Variants in BIRC6 observed in about 807,000 individuals in gnomAD.
BIRC6 encodes the protein baculoviral IAP repeat containing 6, also known as dual E2 ubiquitin-conjugating enzyme/E3 ubiquitin-protein ligase BIRC6.
A neutral mutation model predicts 503.3 loss-of-function variants in BIRC6; 98 were observed. The ratio of observed to expected loss-of-function variants is 0.19; its 90% CI spans 0.17 to 0.23. The LOEUF is 0.23. BIRC6 is among the 10% of genes least tolerant of loss of function. The probability of loss-of-function intolerance (pLI) is 1.00; values close to 1 mark genes in which losing one functional copy is unlikely to be tolerated. For missense variants in BIRC6, 5,360 were observed against 5,806.0 expected, an observed-to-expected ratio of 0.92 and a Z score of 2.50; for synonymous variants, 2,240 against 2,078.7, an observed-to-expected ratio of 1.08 and a Z score of -2.11.
At chr2:32,508,911 C>T (rs1352197963) in intron 51 of BIRC6, among the ~76,000 whole-genome samples, 1 of 151,884 alleles carries the variant, frequency 6.6e-6, no homozygotes, top group East Asian at 1.9e-4. Flanking sequence ...GGCGAAACCC[C>T]ATCACTACTA....
chr2:32,468,126 C>A lies in BIRC6; in HGVS notation c.5780+15C>A, dbSNP rs1219872043. ...ATACAGTGCAGGTTAGTACAGAGTG[C>A]AAATTTTAATGTTATTGAAACTTTG... is the stretch of plus-strand genomic sequence containing the variant. On this transcript the variant is annotated intron_variant, in intron 28 of 73. Coordinates refer to ENST00000421745, the MANE Select transcript of BIRC6 (RefSeq NM_016252.4). 2.5e-6 allele frequency: 4 copies of A among 1,607,658 alleles called. No homozygotes were observed. Among genetic ancestry groups the A allele is most frequent in the Non-Finnish European group, 3.4e-6 (4 of 1,175,418 alleles).
chr2:32,429,348 C>T, intron 11 of BIRC6, 53 bp downstream of exon 11: 1 of 1,298,860 alleles, frequency 7.7e-7, no homozygotes, highest in South Asian at 1.6e-5. Flanking sequence ...TAGTATTTAT[C>T]ATTTTTCTAG....
Position 32,404,328 on chromosome 2 carries a change from C to CT in BIRC6, c.1419-2162dup, listed in dbSNP as rs951589522. ...TTATTTTATTCATATAATTTTTTTT[C>CT]TTTTTTTTTGAGAGAGTCTTGCTCT... On this transcript the variant is annotated intron_variant, in intron 8 of 73. Transcript: ENST00000421745. 4.1e-4 allele frequency among the ~76,000 whole-genome samples: 62 copies of CT among 150,114 alleles called. No individual in the cohort carries two copies. The East Asian group carries it at 7.8e-3, about 19-fold the overall frequency.
Position 32,617,932 on chromosome 2 carries a change from C to G in BIRC6, c.*28C>G. 2 of 1,584,788 alleles carry G rather than the reference C, an allele frequency of 1.3e-6. No homozygotes were observed. The highest frequency in any genetic ancestry group is 4.5e-5 in the East Asian group (2 of 44,326). On this transcript the variant is annotated 3_prime_UTR_variant, in exon 74 of 74. Coordinates refer to ENST00000421745, the MANE Select transcript of BIRC6 (RefSeq NM_016252.4). The stretch of plus-strand genomic sequence containing the variant: ...TGCATTGATGTGGACTTCATAGACA[C>G]AAAGGCTTCGAAGCACAAGCCAAAT...
rs1491183867 is a variant in BIRC6 at position 32,561,740 on chromosome 2, T to TA, written c.13144+12259_13144+12260insA. 5.5e-5 allele frequency among the ~76,000 whole-genome samples: 7 copies of TA among 126,928 alleles called. No individual in the cohort carries two copies. The South Asian group carries it at 7.6e-4, about 14-fold the overall frequency. 83.3% of individuals were successfully genotyped at this position (126,928 alleles called of 152,430 possible). ...TTAATCATGTATATATATATATATA[T>TA]TTATTTATTTATTTCTAGATTTTGC... On this transcript the variant is annotated intron_variant, in intron 65 of 73. Transcript: ENST00000421745.
intron 45 of BIRC6, among the ~76,000 whole-genome samples, chr2:32,494,753 A>G (rs1247336701): frequency 2.0e-5 from 3 of 151,864 alleles, no homozygotes. Flanking sequence ...AAAGAAAAAG[A>G]AAAAGAAATT....
intron 72 of BIRC6, among the ~76,000 whole-genome samples, chr2:32,610,581 A>C (rs1287545851): frequency 2.0e-5 from 3 of 152,102 alleles, no homozygotes; most frequent in Non-Finnish European, 2.9e-5. Flanking sequence ...TAAAGGCAGA[A>C]ATTTCTCTGT....
intron 49 of BIRC6, among the ~76,000 whole-genome samples, chr2:32,504,029 G>GT: frequency 1.3e-5 from 1 of 77,498 alleles, no homozygotes; most frequent in Non-Finnish European, 2.5e-5. Context: ...GGGGTGGGGG[G>GT]GTGTTTGTGT....
intron 61 of BIRC6, among the ~76,000 whole-genome samples, chr2:32,536,629 TA>T (rs2057259182): frequency 6.6e-6 from 1 of 152,272 alleles, no homozygotes; most frequent in African/African-American, 2.4e-5. Flanking sequence ...TATGTGGCAT[TA>T]TTTCTGAGGG....
intron 1 of BIRC6, among the ~76,000 whole-genome samples, chr2:32,375,061 C>A (rs1319717322): frequency 4.6e-5 from 7 of 151,974 alleles, no homozygotes; most frequent in Non-Finnish European, 7.4e-5. Context: ...TACATATACA[C>A]CTTTTGTGTA....
chr2:32,490,208 T>C lies in BIRC6; in HGVS notation c.8206+57T>C, dbSNP rs200677683. ...TGACATATACTTTAGTGTTCTACTATTGGATTCTTAAAACAGAGTTTTCCA... is the reference window on the plus strand; with the variant it reads ...TGACATATACTTTAGTGTTCTACTACTGGATTCTTAAAACAGAGTTTTCCA... On this transcript the variant is annotated intron_variant, in intron 43 of 73. Transcript: ENST00000421745. 28 of 1,397,030 alleles carry C rather than the reference T, an allele frequency of 2.0e-5. No individual in the cohort carries two copies. The African/African-American group carries it at 3.1e-4, about 16-fold the overall frequency. The allele number at this position is 1,397,030 out of a possible 1,614,324, so 86.5% of individuals were successfully genotyped here.
chr2:32,363,428 G>C (rs758211138), intron 1 of BIRC6, among the ~76,000 whole-genome samples: 1 of 151,882 alleles, frequency 6.6e-6, no homozygotes, highest in African/African-American at 2.4e-5. Flanking sequence ...ACTTCCTAAG[G>C]TTTTTTTGTG....
rs771801553 is a variant in BIRC6 at position 32,509,978 on chromosome 2, A to T, written c.10221A>T (p.Ser3407=). ...TTCTCCTGAGAAATTGTGCAGCATC[A>T]GGCAGTGATCCTACAGGTGATAATT... ...IDILLRNCAA[S]GSDPTDLNSP... The change falls in exon 52 of 74, where the codon TCA becomes TCT. Residue 3407 remains serine, a synonymous_variant. Coordinates refer to ENST00000421745, the MANE Select transcript of BIRC6 (RefSeq NM_016252.4). The T allele has an allele frequency of 5.0e-6, 8 of 1,613,832 alleles. No homozygotes were observed. Among genetic ancestry groups the T allele is most frequent in the Non-Finnish European group, 6.8e-6 (8 of 1,179,872 alleles).
In BIRC6 at chr2:32,573,114, T is replaced by C. The variant is rs531206929; in HGVS notation, c.13145-2042T>C. On this transcript the variant is annotated intron_variant, in intron 65 of 73. Coordinates refer to ENST00000421745, the MANE Select transcript of BIRC6 (RefSeq NM_016252.4). ...TGTAACTCATGTCCTTCGCCTAGAA[T>C]GTTAGATACTTGATGGTAGAGATTT... 3.9e-5 allele frequency among the ~76,000 whole-genome samples: 6 copies of C among 152,340 alleles called. No homozygotes were observed. The East Asian group carries it at 1.2e-3, about 29-fold the overall frequency.
intron 3 of BIRC6, among the ~76,000 whole-genome samples, chr2:32,381,718 G>C (rs1161560221): frequency 6.6e-6 from 1 of 151,892 alleles, no homozygotes; most frequent in African/African-American, 2.4e-5. Context: ...GCTAATTTTT[G>C]TATTTTTAGT....
Position 32,441,479 on chromosome 2 carries a change from A to T in BIRC6, c.3944+17A>T, listed in dbSNP as rs745933401. On this transcript the variant is annotated intron_variant, in intron 17 of 73. Coordinates refer to ENST00000421745, the MANE Select transcript of BIRC6 (RefSeq NM_016252.4). ...TAAGGAAAGGTAATTTCATTGCATT[A>T]TCTTGTTATTCTTACAGTAATGAAA... 4 of 1,596,558 alleles carry T rather than the reference A, an allele frequency of 2.5e-6. No individual in the cohort carries two copies. Among genetic ancestry groups the T allele is most frequent in the Non-Finnish European group, 3.4e-6 (4 of 1,167,338 alleles).
intron 23 of BIRC6, among the ~76,000 whole-genome samples, chr2:32,458,683 CTTTTTTTTTTTTT>C (rs1166608470): frequency 2.2e-5 from 2 of 89,460 alleles, no homozygotes; most frequent in South Asian, 3.3e-4. Flanking sequence ...ACTCTATTGC[CTTTTTTTTTTTTT>C]TTTTTTTTTT....
intron 31 of BIRC6, among the ~76,000 whole-genome samples, 173 bp downstream of exon 31, chr2:32,470,474 T>C (rs1387747056): frequency 6.6e-6 from 1 of 151,866 alleles, no homozygotes; most frequent in Admixed American, 6.5e-5. Flanking sequence ...ATATAGTTAA[T>C]ACTTTTAAAA....
At chr2:32,421,231 C>T (rs1009929046) in intron 10 of BIRC6, among the ~76,000 whole-genome samples, 3 of 151,490 alleles carry the variant, frequency 2.0e-5, no homozygotes, top group Admixed American at 6.6e-5. Flanking sequence ...CTCAGCCTCC[C>T]GAGTAGCTGG....
Sources: gnomAD v4.1 joint callset for allele counts (sites outside exome capture counted in the v4.1 genomes callset) on GRCh38, gnomAD v4.1.1 for gene constraint, MANE v1.5 for transcripts, NCBI Gene and HGNC (gene_info 2026-07-23, HGNC 2026-07-21) for gene names.